The following IGSF22 variants were observed in gnomAD, a reference collection of about 807,000 sequenced individuals.
IGSF22 encodes the protein immunoglobulin superfamily member 22.
Under a neutral mutation model 127.0 loss-of-function variants are expected in IGSF22, and 119 were observed. The ratio of observed to expected loss-of-function variants is 0.94; its 90% CI spans 0.81 to 1.09. The LOEUF (loss-of-function observed/expected upper bound fraction) is 1.09, where lower values mean the gene tolerates loss of function less well. Ranked by LOEUF, IGSF22 falls within the 50% of genes least tolerant of loss-of-function variation. The pLI is 0.00. For synonymous variants in IGSF22, 568 were observed against 664.7 expected, an observed-to-expected ratio of 0.85 and a Z score of 2.24; for missense variants, 1,518 against 1,716.6, an observed-to-expected ratio of 0.88 and a Z score of 2.04.
At chr11:18,710,535 G>A (rs1848333317) in intron 16 of IGSF22, 80 bp from the exon 17 acceptor site, 2 of 1,592,088 alleles carry the variant, frequency 1.3e-6, no homozygotes, top group Non-Finnish European at 1.7e-6. Context: ...AGAAGAGGAG[G>A]TCATGGGATG....
At chr11:18,724,749 A>T (rs548579980) in intron 1 of IGSF22, among the ~76,000 whole-genome samples, 1 of 152,286 alleles carries the variant, frequency 6.6e-6, no homozygotes, top group South Asian at 2.1e-4. Context: ...CAGATGACAA[A>T]ACATCACTAC....
At position 18,724,269 on chromosome 11, in the gene IGSF22, A is replaced by C; in HGVS notation, c.-33T>G. 1 of 1,504,184 alleles carries C rather than the reference A, an allele frequency of 6.6e-7. No homozygotes were observed. The highest frequency in any genetic ancestry group is 9.2e-7 in the Non-Finnish European group (1 of 1,081,274). The allele number at this position is 1,504,184 out of a possible 1,614,324, so 93.2% of individuals were successfully genotyped here. A position where few individuals can be genotyped will look rare whatever the true frequency, so the allele number is the denominator to read the frequency against. On this transcript the variant is annotated splice_region_variant and 5_prime_UTR_variant, in exon 2 of 23. Transcript: ENST00000513874. ...GCAGGCGTGGGCACTCACCTGTGAGACTGGGGAAGAGGATGAGGCCATGAA... is the reference window on the plus strand; with the variant it reads ...GCAGGCGTGGGCACTCACCTGTGAGCCTGGGGAAGAGGATGAGGCCATGAA...
At chr11:18,720,018 T>C (rs767741902) in intron 6 of IGSF22, 46 bp downstream of exon 6, 50 of 1,612,874 alleles carry the variant, frequency 3.1e-5, no homozygotes, top group Non-Finnish European at 4.1e-5. Flanking sequence ...GGCTTTGGCC[T>C]GGATGAGGAG....
rs1590448903 is a variant in IGSF22, at chr11:18,716,547, A to G, written c.1246+181T>C. On this transcript the variant is annotated intron_variant, in intron 10 of 22. Coordinates refer to ENST00000513874, the MANE Select transcript of IGSF22 (RefSeq NM_173588.4). The surrounding 1 kb of genome is among the most constrained non-coding windows in gnomAD (Gnocchi z 4.5). ...ACTGCTATTCTAATTTCATTTTCAT[A>G]CCTGCCTCCCCTACTAGACTAGGGG... is the stretch of plus-strand genomic sequence containing the variant. Among the ~76,000 whole-genome samples the G allele has an allele frequency of 6.6e-6, 1 of 152,132 alleles. No individual in the cohort carries two copies. The highest frequency in any genetic ancestry group is 1.5e-5 in the Non-Finnish European group (1 of 68,030).
intron 2 of IGSF22, among the ~76,000 whole-genome samples, chr11:18,723,509 G>A (rs965099999): frequency 3.9e-5 from 6 of 152,236 alleles, no homozygotes; most frequent in Admixed American, 3.3e-4. Context: ...CAATGACTGT[G>A]AGAAGGGGTA....
chr11:18,707,119 GTCC>G lies in IGSF22; in HGVS notation c.3372_3374del (p.Glu1124del). 1 of 1,551,636 alleles carries G rather than the reference GTCC, an allele frequency of 6.4e-7. No homozygotes were observed. Among genetic ancestry groups the G allele is most frequent in the Non-Finnish European group, 8.7e-7 (1 of 1,146,958 alleles). Reference sequence around the variant, plus strand: ...TCATGATGATGTAGTGAGCCTCACCGTCCTCCTGCACATCTGGGCTGTGGTTCC... The same window carrying G: ...TCATGATGATGTAGTGAGCCTCACCGTCCTGCACATCTGGGCTGTGGTTCC... On this transcript the variant is annotated inframe_deletion, in exon 21 of 23. Transcript: ENST00000513874.
chr11:18,719,585 G>A (rs2134167469), intron 7 of IGSF22, 131 bp downstream of exon 7: 1 of 843,942 alleles, frequency 1.2e-6, no homozygotes, highest in Non-Finnish European at 1.9e-6. Flanking sequence ...CTTTCACAGT[G>A]GAGAGTACGC....
intron 9 of IGSF22, among the ~76,000 whole-genome samples, chr11:18,717,322 A>T (rs529208301): frequency 6.6e-6 from 1 of 152,244 alleles, no homozygotes; most frequent in East Asian, 1.9e-4. Flanking sequence ...AGATGGGGAA[A>T]CTGAATCAAA....
intron 7 of IGSF22, 36 bp downstream of exon 7, chr11:18,719,679 CT>C: frequency 6.2e-7 from 1 of 1,601,032 alleles, no homozygotes. Context: ...AGCCCTGCCC[CT>C]AGCCTGCAGG....
intron 11 of IGSF22, among the ~76,000 whole-genome samples, chr11:18,715,205 T>C (rs1848438730): frequency 6.6e-6 from 1 of 151,858 alleles, no homozygotes; most frequent in Non-Finnish European, 1.5e-5. Flanking sequence ...GGATAGAGTC[T>C]GGAAGATGGG....
At chr11:18,719,219 A>G (rs1288499528) in intron 7 of IGSF22, among the ~76,000 whole-genome samples, 1 of 152,048 alleles carries the variant, frequency 6.6e-6, no homozygotes, top group African/African-American at 2.4e-5. Context: ...ATCTTGGCTC[A>G]CCGCAACCTC....
At chr11:18,704,819 G>A (rs2134153496) in intron 22 of IGSF22, 2 of 372,532 alleles carry the variant, frequency 5.4e-6, no homozygotes, top group East Asian at 5.6e-5. Flanking sequence ...TCACATGGCT[G>A]GTCAGTGGCA....
chr11:18,713,818 A>T, intron 14 of IGSF22, 34 bp downstream of exon 14: 1 of 1,537,256 alleles, frequency 6.5e-7, no homozygotes, highest in South Asian at 1.2e-5. Context: ...AGGTGCCCTC[A>T]GCTCAGCCCA....
rs777671802 is a variant in IGSF22 at position 18,714,512 on chromosome 11, C to T, written c.1644G>A (p.Lys548=). The part of the protein sequence containing the change: ...NDEKVEGVWL[K]DGKEITDLPG... ...CTCTGCTTCAGACCTCCTTGCCATCCTTCAGCCACACACCCTCCACCTTCT... is the reference window on the plus strand; with the variant it reads ...CTCTGCTTCAGACCTCCTTGCCATCTTTCAGCCACACACCCTCCACCTTCT... Residue 548 remains lysine (K), a synonymous_variant, in exon 12 of 23, where the codon AAG becomes AAA. Transcript: ENST00000513874. The T allele has an allele frequency of 1.2e-6, 2 of 1,614,198 alleles. No homozygotes were observed. The highest frequency in any genetic ancestry group is 1.1e-5 in the South Asian group (1 of 91,084).
At chr11:18,720,011 T>C (rs1848540546) in intron 6 of IGSF22, 53 bp downstream of exon 6, 2 of 1,612,090 alleles carry the variant, frequency 1.2e-6, no homozygotes, top group South Asian at 2.2e-5. Flanking sequence ...TTTGAGAGGC[T>C]TTGGCCTGGA....
At chr11:18,715,760 T>C in intron 10 of IGSF22, 44 bp from the exon 11 acceptor site, 1 of 1,572,142 alleles carries the variant, frequency 6.4e-7, no homozygotes, top group Non-Finnish European at 8.6e-7. Flanking sequence ...AACCACGACA[T>C]CTTTTTTCTG....
At position 18,706,013 on chromosome 11, in the gene IGSF22, C is replaced by G; in HGVS notation, c.3714G>C (p.Gly1238=). The change falls in exon 22 of 23, where the codon GGG becomes GGC. Residue 1238 remains glycine, a synonymous_variant. Coordinates refer to ENST00000513874, the MANE Select transcript of IGSF22 (RefSeq NM_173588.4). ...QDCTMTCAFL[G]NPRPTVTLYK... ...AGAGGGTCACTGTGGGCCGCGGGTT[C>G]CCAAGGAAGGCGCAGGTCATGGTGC... 4.5e-6 allele frequency: 7 copies of G among 1,551,670 alleles called. No individual in the cohort carries two copies. Among genetic ancestry groups the G allele is most frequent in the Non-Finnish European group, 6.1e-6 (7 of 1,146,980 alleles).
At position 18,722,431 on chromosome 11, in the gene IGSF22, A is replaced by G. The variant is rs981036920; in HGVS notation, c.110-390T>C. ...GCCTGCTTCTGCCTGGGAGGTCTGCAGCTTGGCTGAGCTCTGCTCTAGATT... is the reference window on the plus strand; with the variant it reads ...GCCTGCTTCTGCCTGGGAGGTCTGCGGCTTGGCTGAGCTCTGCTCTAGATT... On this transcript the variant is annotated intron_variant, in intron 2 of 22. Coordinates refer to ENST00000513874, the MANE Select transcript of IGSF22 (RefSeq NM_173588.4). 1.3e-4 allele frequency among the ~76,000 whole-genome samples: 20 copies of G among 152,146 alleles called. 1 individual carries two copies. Among genetic ancestry groups the G allele is most frequent in the South Asian group, 6.2e-4 (3 of 4,814 alleles).
chr11:18,722,514 G>A (rs1848592221), intron 2 of IGSF22, among the ~76,000 whole-genome samples: 1 of 152,114 alleles, frequency 6.6e-6, no homozygotes, highest in Non-Finnish European at 1.5e-5. Flanking sequence ...TGATTCTTGA[G>A]TGAGGGACAG....
Sources: gnomAD v4.1 joint callset for allele counts (sites outside exome capture counted in the v4.1 genomes callset) on GRCh38, gnomAD v4.1.1 for gene constraint, Gnocchi (gnomAD v3.1) non-coding constraint, MANE v1.5 for transcripts, NCBI Gene and HGNC (gene_info 2026-07-23, HGNC 2026-07-21) for gene names.